Variants in RBSN observed in about 807,000 individuals in gnomAD.
RBSN encodes rabenosyn-5.
RBSN carries 34 observed loss-of-function variants against 60.5 expected under a neutral mutation model. The ratio of observed to expected loss-of-function variants is 0.56; its 90% CI spans 0.43 to 0.75. RBSN has a LOEUF of 0.75. Ranked by LOEUF, RBSN falls within the 30% of genes least tolerant of loss-of-function variation. The probability of loss-of-function intolerance (pLI) is 0.00; values close to 1 mark genes in which losing one functional copy is unlikely to be tolerated. For synonymous variants in RBSN, 322 were observed against 366.9 expected (o/e 0.88, Z 1.40); for missense variants, 845 against 986.8 (o/e 0.86, Z 1.92).
At position 15,082,744 on chromosome 3, in the gene RBSN, C is replaced by T. The variant is rs1575095163; in HGVS notation, c.599-136G>A. The T allele has an allele frequency of 7.9e-7, 1 of 1,271,668 alleles. No individual in the cohort carries two copies. Among genetic ancestry groups the T allele is most frequent in the Non-Finnish European group, 1.1e-6 (1 of 932,574 alleles). The allele number at this position is 1,271,668 out of a possible 1,614,324, so 78.8% of individuals were successfully genotyped here. ...AGGCTCCAGCTGTGGGCACGTACTG[C>T]CCCTCTGCCTTCCTGGTGTCAGACT... On this transcript the variant is annotated intron_variant, in intron 8 of 13. Transcript: ENST00000253699. The surrounding 1 kb of genome is among the most constrained non-coding windows in gnomAD (Gnocchi z 4.2).
intron 2 of RBSN, among the ~76,000 whole-genome samples, chr3:15,097,446 C>T (rs568662182): frequency 6.6e-6 from 1 of 152,108 alleles, no homozygotes. Flanking sequence ...ACCCAGGAGG[C>T]GGAAGTTGCA....
At chr3:15,079,622 C>A (rs142198368) in intron 10 of RBSN, among the ~76,000 whole-genome samples, 27 of 152,332 alleles carry the variant, frequency 1.8e-4, no homozygotes, top group Non-Finnish European at 3.5e-4. Context: ...AGTACTGATA[C>A]ATGCAACAAC....
intron 4 of RBSN, among the ~76,000 whole-genome samples, chr3:15,092,581 G>T (rs1189742021): frequency 6.6e-6 from 1 of 152,044 alleles, no homozygotes; most frequent in African/African-American, 2.4e-5. Flanking sequence ...GCTAATTTTT[G>T]TATTTTTTTT....
At chr3:15,080,624 A>G (rs2043179629) in intron 10 of RBSN, 108 bp downstream of exon 10, 1 of 1,150,712 alleles carries the variant, frequency 8.7e-7, no homozygotes, top group Non-Finnish European at 1.3e-6. Flanking sequence ...GTCTCAGAAA[A>G]AAAGCACGGT....
At chr3:15,095,024 TTGTG>T (rs752017388) in intron 4 of RBSN, among the ~76,000 whole-genome samples, 2 of 146,532 alleles carry the variant, frequency 1.4e-5, no homozygotes, top group Non-Finnish European at 1.5e-5. Flanking sequence ...GTGTGTGTGT[TTGTG>T]TGTGTGTGTG....
Position 15,086,060 on chromosome 3 carries a change from T to C in RBSN, c.290-99A>G, listed in dbSNP as rs141252050. ...TATCCCAGTGAATTTCAAAAGCAGG[T>C]TGGTCAACATAGCGAGACCCCGTCT... On this transcript the variant is annotated intron_variant, in intron 5 of 13. Transcript: ENST00000253699. 64 of 721,232 alleles carry C rather than the reference T, an allele frequency of 8.9e-5. No individual in the cohort carries two copies. The African/African-American group carries it at 9.2e-4, about 10-fold the overall frequency. 44.7% of individuals were successfully genotyped at this position (721,232 alleles called of 1,614,324 possible).
intron 5 of RBSN, among the ~76,000 whole-genome samples, chr3:15,089,143 T>C (rs1404766993): frequency 1.3e-5 from 2 of 152,114 alleles, no homozygotes; most frequent in African/African-American, 2.4e-5. Flanking sequence ...AATATTTTAT[T>C]ATATTAATGA....
intron 8 of RBSN, among the ~76,000 whole-genome samples, chr3:15,083,278 G>A (rs1433545263): frequency 1.3e-5 from 2 of 152,294 alleles, no homozygotes; most frequent in Admixed American, 1.3e-4. Context: ...TGGTCTCAGG[G>A]AGAAAGTATC....
Position 15,073,631 on chromosome 3 carries a change from G to A in RBSN, c.*151C>T, listed in dbSNP as rs2042970012. The A allele has an allele frequency of 4.2e-6, 3 of 707,026 alleles. No homozygotes were observed. The highest frequency in any genetic ancestry group is 6.8e-6 in the Non-Finnish European group (3 of 438,866). The allele number at this position is 707,026 out of a possible 1,614,324, so 43.8% of individuals were successfully genotyped here. A position where few individuals can be genotyped will look rare whatever the true frequency, so the allele number is the denominator to read the frequency against. On this transcript the variant is annotated 3_prime_UTR_variant, in exon 14 of 14. Transcript: ENST00000253699. ...AACTGTAGTGGAAATACCTCAAAGT[G>A]CGCAACACAAAACAGCAGATTCCTG...
At position 15,077,140 on chromosome 3, in the gene RBSN, C is replaced by G; in HGVS notation, c.1023G>C (p.Leu341Phe). The change falls in exon 12 of 14, where the codon TTG becomes TTC. Residue 341 changes from leucine to phenylalanine, a missense_variant. By Grantham distance (22) the Leu-to-Phe change is conservative (BLOSUM62 0). Coordinates refer to ENST00000253699, the MANE Select transcript of RBSN (RefSeq NM_022340.4). The surrounding 1 kb of genome is among the most constrained non-coding windows in gnomAD (Gnocchi z 4.4). ...TTGGATGTGGTGGAGGGTCCTGGTT[C>G]AAGCCCAAGGTTAAGATCTTCTTAC... ...ALSKKILTLGLNQDPPPHPSN... is the reference protein window; with the variant it reads ...ALSKKILTLGFNQDPPPHPSN... The G allele has an allele frequency of 6.2e-7, 1 of 1,614,030 alleles. No individual in the cohort carries two copies. Among genetic ancestry groups the G allele is most frequent in the Non-Finnish European group, 8.5e-7 (1 of 1,179,962 alleles).
chr3:15,087,032 A>T (rs553009191), intron 5 of RBSN, among the ~76,000 whole-genome samples: 12 of 152,316 alleles, frequency 7.9e-5, no homozygotes, highest in South Asian at 2.1e-4. Flanking sequence ...CTTTTAAAAA[A>T]TTTTTTAATT....
At position 15,074,227 on chromosome 3, in the gene RBSN, A is replaced by G. The variant is rs1233503906; in HGVS notation, c.1910T>C (p.Met637Thr). Residue 637 changes from methionine (M) to threonine (T), a missense_variant, in exon 14 of 14, where the codon ATG (methionine) becomes ACG (threonine). Transcript: ENST00000253699. The surrounding 1 kb of genome is among the most constrained non-coding windows in gnomAD (Gnocchi z 6.4). ...PFDEEDLSSPMEEATTGPPAA... is the reference protein window; with the variant it reads ...PFDEEDLSSPTEEATTGPPAA... ...AGGAGGACCAGTAGTGGCCTCTTCC[A>G]TGGGGCTGGAGAGGTCTTCCTCATC... is the stretch of plus-strand genomic sequence containing the variant. 8.7e-6 allele frequency: 14 copies of G among 1,608,746 alleles called. No individual in the cohort carries two copies. Among genetic ancestry groups the G allele is most frequent in the Non-Finnish European group, 1.2e-5 (14 of 1,177,132 alleles).
chr3:15,078,488 G>A (rs1291121390), intron 10 of RBSN, among the ~76,000 whole-genome samples: 1 of 152,044 alleles, frequency 6.6e-6, no homozygotes, highest in Non-Finnish European at 1.5e-5. Flanking sequence ...CAAGATGTAA[G>A]AAGTGGTTAC....
rs372936870 is a variant in RBSN at position 15,085,851 on chromosome 3, C to T, written c.390+10G>A. ...TGTAGAAAAAAATGTTTTAAGACAA[C>T]AAAATTTACCTTCTCTAACCTGATT... On this transcript the variant is annotated intron_variant, in intron 6 of 13. Coordinates refer to ENST00000253699, the MANE Select transcript of RBSN (RefSeq NM_022340.4). 6.2e-7 allele frequency: 1 copy of T among 1,605,882 alleles called. No individual in the cohort carries two copies. Among genetic ancestry groups the T allele is most frequent in the African/African-American group, 1.3e-5 (1 of 74,554 alleles).
Position 15,073,895 on chromosome 3 carries a change from C to T in RBSN, c.2242G>A (p.Ala748Thr). ...CACTGCTTGGCATCAAAGATGTATGCCTTGATGTTATCGATCTGCTGCAGG... is the reference window on the plus strand; with the variant it reads ...CACTGCTTGGCATCAAAGATGTATGTCTTGATGTTATCGATCTGCTGCAGG... ...LLLQQIDNIK[A>T]YIFDAKQCGR... Residue 748 changes from alanine (A) to threonine (T), a missense_variant, in exon 14 of 14, where the codon GCA (alanine) becomes ACA (threonine). By Grantham distance (58) the Ala-to-Thr change is moderately conservative. Coordinates refer to ENST00000253699, the MANE Select transcript of RBSN (RefSeq NM_022340.4). The T allele has an allele frequency of 1.2e-6, 2 of 1,614,080 alleles. No homozygotes were observed. Among genetic ancestry groups the T allele is most frequent in the Admixed American group, 1.7e-5 (1 of 60,016 alleles).
rs921203582 is a variant in RBSN, at chr3:15,072,616, T to C, written c.*1166A>G. On this transcript the variant is annotated 3_prime_UTR_variant, in exon 14 of 14. Transcript: ENST00000253699. ...GATCAGAGTAACTTTGCCAAAGCTC[T>C]GGAGGGAGATTTCTCCAGTGACAGA... 6 of 152,254 alleles carry C rather than the reference T, an allele frequency of 3.9e-5. No homozygotes were observed. Among genetic ancestry groups the C allele is most frequent in the African/African-American group, 1.2e-4 (5 of 41,472 alleles). 9.4% of individuals were successfully genotyped at this position (152,254 alleles called of 1,614,324 possible). A position where few individuals can be genotyped will look rare whatever the true frequency, so the allele number is the denominator to read the frequency against.
At chr3:15,086,375 C>A (rs2043342579) in intron 5 of RBSN, among the ~76,000 whole-genome samples, 1 of 152,188 alleles carries the variant, frequency 6.6e-6, no homozygotes, top group Non-Finnish European at 1.5e-5. Context: ...AAATTGTTAA[C>A]CGCCTTTGGA....
chr3:15,096,189 G>C lies in RBSN; in HGVS notation c.-69C>G, dbSNP rs549917816. ...AAGAGTCAGCTTGATTCCTCCCAAG[G>C]AACCATGGTTCCCGCAGCATTAGCT... On this transcript the variant is annotated 5_prime_UTR_variant, in exon 4 of 14. Transcript: ENST00000253699. 9 of 1,489,580 alleles carry C rather than the reference G, an allele frequency of 6.0e-6. No individual in the cohort carries two copies. Among genetic ancestry groups the C allele is most frequent in the East Asian group, 2.3e-5 (1 of 43,160 alleles). 92.3% of individuals were successfully genotyped at this position (1,489,580 alleles called of 1,614,324 possible).
At position 15,080,677 on chromosome 3, in the gene RBSN, A is replaced by G. The variant is rs1214627440; in HGVS notation, c.911+55T>C. 3.2e-6 allele frequency: 5 copies of G among 1,553,824 alleles called. No individual in the cohort carries two copies. The Admixed American group carries it at 9.0e-5, about 28-fold the overall frequency. ...TTTTTGGCTACTGGAGAATTGACCT[A>G]AAATGCCAGAAAACAGTCACCACTG... On this transcript the variant is annotated intron_variant, in intron 10 of 13. Coordinates refer to ENST00000253699, the MANE Select transcript of RBSN (RefSeq NM_022340.4).
Sources: allele counts gnomAD v4.1 joint callset (sites outside exome capture counted in the v4.1 genomes callset), GRCh38; gene constraint gnomAD v4.1.1; non-coding constraint Gnocchi (gnomAD v3.1); transcripts MANE v1.5; gene names NCBI Gene and HGNC (gene_info 2026-07-23, HGNC 2026-07-21).